Variants in CCBE1 observed in about 807,000 individuals in gnomAD.
CCBE1 encodes collagen and calcium-binding EGF domain-containing protein 1.
A neutral mutation model predicts 50.0 loss-of-function variants in CCBE1; 37 were observed. The observed-to-expected ratio is 0.74, with a 90% CI of 0.57 to 0.97. CCBE1 has a LOEUF of 0.97. Among genes scored for constraint, CCBE1 ranks in the 50% least tolerant of loss-of-function variants. The probability of loss-of-function intolerance (pLI) is 0.00; values close to 1 mark genes in which losing one functional copy is unlikely to be tolerated. For missense variants in CCBE1, 538 were observed against 523.8 expected, an observed-to-expected ratio of 1.03 and a Z score of -0.26; for synonymous variants, 234 against 203.7, an observed-to-expected ratio of 1.15 and a Z score of -1.27.
At chr18:59,662,383 C>T (rs926869904) in intron 2 of CCBE1, among the ~76,000 whole-genome samples, 1 of 152,152 alleles carries the variant, frequency 6.6e-6, no homozygotes, top group Non-Finnish European at 1.5e-5. Context: ...TGCAAATTTA[C>T]AACGTATATT....
intron 2 of CCBE1, among the ~76,000 whole-genome samples, chr18:59,600,301 T>G (rs1460671782): frequency 6.6e-6 from 1 of 151,932 alleles, no homozygotes; most frequent in Non-Finnish European, 1.5e-5. Context: ...GAGAATCTAA[T>G]GCATGGTGAT....
At chr18:59,503,760 C>A (rs1409546065) in intron 2 of CCBE1, among the ~76,000 whole-genome samples, 1 of 152,130 alleles carries the variant, frequency 6.6e-6, no homozygotes, top group Non-Finnish European at 1.5e-5. Context: ...AGTTCAAATT[C>A]TTTTGCAAAG....
chr18:59,649,290 C>T (rs997718800), intron 2 of CCBE1, among the ~76,000 whole-genome samples: 1 of 152,178 alleles, frequency 6.6e-6, no homozygotes, highest in African/African-American at 2.4e-5. Flanking sequence ...ACTGGGACTC[C>T]ATCAGTTTTG....
intron 2 of CCBE1, among the ~76,000 whole-genome samples, chr18:59,532,066 T>C (rs1175241570): frequency 2.6e-5 from 4 of 152,210 alleles, no homozygotes; most frequent in African/African-American, 7.2e-5. Flanking sequence ...CTACATTTAA[T>C]GTTCTTACTT....
chr18:59,592,829 T>G (rs1454417308), intron 2 of CCBE1, among the ~76,000 whole-genome samples: 1 of 152,068 alleles, frequency 6.6e-6, no homozygotes, highest in African/African-American at 2.4e-5. Flanking sequence ...GAGTGCACAG[T>G]CAGCAAAATT....
At chr18:59,594,098 A>C (rs989158429) in intron 2 of CCBE1, among the ~76,000 whole-genome samples, 9 of 152,146 alleles carry the variant, frequency 5.9e-5, no homozygotes, top group African/African-American at 2.2e-4. Context: ...GAAAAATACC[A>C]AGTTCTCTCT....
At chr18:59,678,085 C>A (rs567898846) in intron 2 of CCBE1, among the ~76,000 whole-genome samples, 3 of 152,094 alleles carry the variant, frequency 2.0e-5, no homozygotes, top group African/African-American at 7.2e-5. Flanking sequence ...TGGTTGTAAG[C>A]GGGTGCGGTA....
intron 3 of CCBE1, among the ~76,000 whole-genome samples, chr18:59,474,145 C>T (rs1400635122): frequency 6.6e-6 from 1 of 152,176 alleles, no homozygotes; most frequent in African/African-American, 2.4e-5. Context: ...CTACTATGGG[C>T]ACCTAGGTTG....
At position 59,433,891 on chromosome 18, in the gene CCBE1, CTTTT is replaced by C. The variant is rs373652074; in HGVS notation, c.*2013_*2016del. 0.31 allele frequency: 20,942 copies of C among 68,228 alleles called. 2,992 individuals are homozygous for C. Among genetic ancestry groups the C allele is most frequent in the East Asian group, 0.59 (1,047 of 1,764 alleles). The allele number at this position is 68,228 out of a possible 1,614,324, so 4.2% of individuals were successfully genotyped here. ...ACAGGCATGAGCCACCAAGCCCGGC[CTTTT>C]TTTTTTTTTTTTTTTTTTTTTAATG... On this transcript the variant is annotated 3_prime_UTR_variant, in exon 11 of 11. Transcript: ENST00000439986.
At chr18:59,548,445 G>A (rs1489207104) in intron 2 of CCBE1, among the ~76,000 whole-genome samples, 1 of 152,208 alleles carries the variant, frequency 6.6e-6, no homozygotes, top group Non-Finnish European at 1.5e-5. Flanking sequence ...ATTGCAGGGT[G>A]TGGCTAGGTC....
chr18:59,633,239 A>G (rs2053872995), intron 2 of CCBE1, among the ~76,000 whole-genome samples: 1 of 152,220 alleles, frequency 6.6e-6, no homozygotes, highest in Non-Finnish European at 1.5e-5. Context: ...TTTTTAATTA[A>G]CAAGAAAGAC....
intron 2 of CCBE1, among the ~76,000 whole-genome samples, chr18:59,607,251 T>C (rs186984147): frequency 3.3e-4 from 50 of 152,280 alleles, no homozygotes; most frequent in African/African-American, 1.1e-3. Context: ...TAGATAAGCA[T>C]GTACCAGTCA....
intron 2 of CCBE1, among the ~76,000 whole-genome samples, chr18:59,520,868 T>C (rs531976655): frequency 1.1e-4 from 16 of 152,362 alleles, no homozygotes; most frequent in African/African-American, 3.8e-4. Context: ...ATTAACCCAA[T>C]TTGGCACAAT....
chr18:59,511,162 G>A (rs1914116200), intron 2 of CCBE1, among the ~76,000 whole-genome samples: 1 of 152,194 alleles, frequency 6.6e-6, no homozygotes, highest in Admixed American at 6.5e-5. Context: ...TGCTGTTTGT[G>A]CACTTGCAAG....
intron 1 of CCBE1, 27 bp downstream of exon 1, chr18:59,697,185 C>T (rs1225884519): frequency 6.5e-7 from 1 of 1,547,650 alleles, no homozygotes; most frequent in Non-Finnish European, 8.7e-7. Context: ...CAGGAGCTCG[C>T]CCTCCGCTGG....
At chr18:59,627,606 C>T (rs1462926437) in intron 2 of CCBE1, among the ~76,000 whole-genome samples, 1 of 152,158 alleles carries the variant, frequency 6.6e-6, no homozygotes, top group Non-Finnish European at 1.5e-5. Context: ...AGGAGGAAAT[C>T]TGGACACTCA....
chr18:59,679,862 G>A (rs892275703), intron 2 of CCBE1, among the ~76,000 whole-genome samples: 3 of 152,124 alleles, frequency 2.0e-5, no homozygotes, highest in Non-Finnish European at 4.4e-5. Context: ...CTAGAAAGGC[G>A]GGACAACTTG....
At chr18:59,606,326 C>T (rs753386699) in intron 2 of CCBE1, among the ~76,000 whole-genome samples, 2 of 152,180 alleles carry the variant, frequency 1.3e-5, no homozygotes, top group Non-Finnish European at 2.9e-5. Flanking sequence ...AGCAGCGAGG[C>T]ATCTGGGACA....
intron 2 of CCBE1, among the ~76,000 whole-genome samples, chr18:59,644,596 A>G (rs752707992): frequency 1.3e-5 from 2 of 152,242 alleles, no homozygotes; most frequent in Non-Finnish European, 2.9e-5. Context: ...GCAGTAGTTA[A>G]TCTTTTCAAG....
Sources: allele counts gnomAD v4.1 joint callset (sites outside exome capture counted in the v4.1 genomes callset), GRCh38; gene constraint gnomAD v4.1.1; transcripts MANE v1.5; gene names NCBI Gene and HGNC (gene_info 2026-07-23, HGNC 2026-07-21).